Variants in SLC44A2 observed in about 807,000 individuals in gnomAD.
The protein encoded by SLC44A2 is choline transporter-like protein 2.
Under a neutral mutation model 90.8 loss-of-function variants are expected in SLC44A2, and 57 were observed. The ratio of observed to expected loss-of-function variants is 0.63; its 90% CI spans 0.51 to 0.78. The LOEUF is 0.78. Ranked by LOEUF, SLC44A2 falls within the 30% of genes least tolerant of loss-of-function variation. The pLI is 0.00. For missense variants in SLC44A2, 794 were observed against 919.7 expected (o/e 0.86, Z 1.77); for synonymous variants, 355 against 360.7 (o/e 0.98, Z 0.18).
At chr19:10,630,717 T>C (rs921830331) in intron 4 of SLC44A2, among the ~76,000 whole-genome samples, 1 of 149,734 alleles carries the variant, frequency 6.7e-6, no homozygotes, top group African/African-American at 2.5e-5. Context: ...TAAGAAGTCT[T>C]AACAGGTCGG....
At chr19:10,631,803 A>G in intron 8 of SLC44A2, 54 bp downstream of exon 8, 1 of 1,614,056 alleles carries the variant, frequency 6.2e-7, no homozygotes, top group Non-Finnish European at 8.5e-7. Context: ...TGGGACAGGC[A>G]ATCCCCTGTG....
intron 1 of SLC44A2, among the ~76,000 whole-genome samples, chr19:10,613,151 G>A (rs1314356604): frequency 3.3e-5 from 5 of 151,986 alleles, no homozygotes; most frequent in African/African-American, 1.2e-4. Context: ...TCTGCCTCCC[G>A]GGCTCAAGCG....
intron 4 of SLC44A2, among the ~76,000 whole-genome samples, chr19:10,628,840 T>C (rs924330172): frequency 1.3e-5 from 2 of 152,096 alleles, no homozygotes; most frequent in Non-Finnish European, 2.9e-5. Flanking sequence ...TTTCCTCATC[T>C]CTAAAATGAG....
At chr19:10,622,906 A>C (rs758364672), upstream of SLC44A2, among the ~76,000 whole-genome samples, 7 of 152,182 alleles carry the variant, frequency 4.6e-5, no homozygotes, top group Non-Finnish European at 1.0e-4. Flanking sequence ...TGTCTCAAAA[A>C]CAAAAAAGCT....
Position 10,634,855 on chromosome 19 carries a change from A to G in SLC44A2, c.923A>G (p.Tyr308Cys), listed in dbSNP as rs1300606308. The change falls in exon 11 of 22, where the codon TAC becomes TGC. Residue 308 changes from tyrosine to cysteine, a missense_variant. By Grantham distance (194) the Tyr-to-Cys change is radical (BLOSUM62 -2). This residue lies in a region of SLC44A2 where 738 missense variants were observed against 841.1 expected (regional missense o/e 0.88). Coordinates refer to ENST00000335757, the MANE Select transcript of SLC44A2 (RefSeq NM_020428.4). The part of the protein sequence containing the change: ...DLGFQTDFRV[Y>C]LHLRQTWLAF... Reference sequence around the variant, plus strand: ...GGCTTTCAGACGGATTTCCGGGTGTACCTGCACTTACGGCAGACCTGGTTG... The same window carrying G: ...GGCTTTCAGACGGATTTCCGGGTGTGCCTGCACTTACGGCAGACCTGGTTG... 6.2e-6 allele frequency: 10 copies of G among 1,614,082 alleles called. No homozygotes were observed. Among genetic ancestry groups the G allele is most frequent in the Admixed American group, 3.3e-5 (2 of 60,002 alleles).
chr19:10,636,618 G>A, intron 15 of SLC44A2, 33 bp downstream of exon 15: 1 of 1,606,646 alleles, frequency 6.2e-7, no homozygotes, highest in Non-Finnish European at 8.5e-7. Context: ...ATGGGGTGGA[G>A]GACGAGGCCT....
intron 20 of SLC44A2, among the ~76,000 whole-genome samples, 178 bp downstream of exon 20, chr19:10,638,493 G>T (rs911749910): frequency 6.6e-6 from 1 of 152,104 alleles, no homozygotes; most frequent in African/African-American, 2.4e-5. Flanking sequence ...GCCCTGACTG[G>T]AGTGCAGTGG....
upstream of SLC44A2, among the ~76,000 whole-genome samples, chr19:10,622,574 C>T (rs951553993): frequency 6.6e-5 from 10 of 151,758 alleles, no homozygotes; most frequent in African/African-American, 2.2e-4. Flanking sequence ...GGCCAGAGCA[C>T]GTGGGAGGAT....
chr19:10,618,691 G>T (rs561020008), intron 1 of SLC44A2, among the ~76,000 whole-genome samples: 2 of 152,070 alleles, frequency 1.3e-5, no homozygotes, highest in South Asian at 4.1e-4. Context: ...GTGTTAGCCA[G>T]AATGGTCTCG....
Position 10,634,769 on chromosome 19 carries a change from C to T in SLC44A2, c.837C>T (p.Cys279=). ...TCCCCCATGCAGGAATATTTCACTG[C>T]TACATGGAGTACTCCCGACTGCGTG... ...ILVLGYGIFH[C]YMEYSRLRGE... is the part of the protein sequence containing the mutation. Residue 279 remains cysteine, a synonymous_variant, in exon 11 of 22, where the codon TGC becomes TGT. Coordinates refer to ENST00000335757, the MANE Select transcript of SLC44A2 (RefSeq NM_020428.4). The T allele has an allele frequency of 6.2e-7, 1 of 1,614,154 alleles. No homozygotes were observed. Among genetic ancestry groups the T allele is most frequent in the Non-Finnish European group, 8.5e-7 (1 of 1,180,042 alleles).
At chr19:10,625,470 C>G, upstream of SLC44A2, 1 of 1,217,664 alleles carries the variant, frequency 8.2e-7, no homozygotes, top group Non-Finnish European at 1.0e-6. Flanking sequence ...GTCTGGGCAG[C>G]TGCCCAGCTC....
chr19:10,641,543 GC>G (rs1196483311), intron 20 of SLC44A2: 1 of 367,358 alleles, frequency 2.7e-6, no homozygotes, highest in African/African-American at 2.2e-5. Flanking sequence ...ACATGCAGAG[GC>G]CCAGGGGTTA....
chr19:10,635,132 C>T (rs567057543), intron 12 of SLC44A2, 31 bp from the exon 13 acceptor site: 1 of 1,613,552 alleles, frequency 6.2e-7, no homozygotes, highest in African/African-American at 1.3e-5. Flanking sequence ...GTGTCTTTTG[C>T]CCTGACGCCT....
intron 6 of SLC44A2, 37 bp from the exon 7 acceptor site, chr19:10,631,438 G>C (rs752370251): frequency 6.2e-7 from 1 of 1,614,110 alleles, no homozygotes; most frequent in South Asian, 1.1e-5. Flanking sequence ...CAGTGTACTA[G>C]ACTTGGGGAC....
In SLC44A2 at chr19:10,634,987, T is replaced by C. The variant is rs779862654; in HGVS notation, c.969T>C (p.Ser323=). The C allele has an allele frequency of 6.2e-7, 1 of 1,614,102 alleles. No homozygotes were observed. The highest frequency in any genetic ancestry group is 1.1e-5 in the South Asian group (1 of 91,082). Residue 323 remains serine, a synonymous_variant, in exon 12 of 22, where the codon AGT becomes AGC. Transcript: ENST00000335757. ...QTWLAFMIIL[S]ILEVIIILLL... is the part of the protein sequence containing the mutation. ...TGCCCTTTGCAGTGATCATTCTGAG[T>C]ATCCTTGAAGTCATTATCATCTTGC...
intron 20 of SLC44A2, among the ~76,000 whole-genome samples, chr19:10,640,375 G>C (rs117419803): frequency 0.029 from 4,480 of 152,248 alleles, 80 homozygotes; most frequent in South Asian, 0.092. Flanking sequence ...AAAGGCATGA[G>C]CCCCTGTGCC....
Position 10,643,721 on chromosome 19 carries a change from C to A in SLC44A2, c.*336C>A. On this transcript the variant is annotated 3_prime_UTR_variant, in exon 22 of 22. Transcript: ENST00000335757. ...CCGCTTACACGACAACGGGCCAGAC[C>A]ACAGGAAGGACGGTGTTTGTGTCTG... 4.1e-6 allele frequency: 1 copy of A among 244,240 alleles called. No individual in the cohort carries two copies. The highest frequency in any genetic ancestry group is 8.1e-6 in the Non-Finnish European group (1 of 123,418). The allele number at this position is 244,240 out of a possible 1,614,324, so 15.1% of individuals were successfully genotyped here.
intron 2 of SLC44A2, among the ~76,000 whole-genome samples, chr19:10,627,094 G>T (rs2066942023): frequency 6.6e-6 from 1 of 152,180 alleles, no homozygotes; most frequent in Admixed American, 6.6e-5. Flanking sequence ...GCCAAGGCAG[G>T]TGGATCACTT....
intron 2 of SLC44A2, 65 bp downstream of exon 2, chr19:10,626,366 C>A (rs923160745): frequency 1.2e-5 from 14 of 1,211,568 alleles, no homozygotes; most frequent in Admixed American, 1.7e-5. Context: ...TCTCTTCACA[C>A]CCCCTCCCAT....
Sources: allele counts gnomAD v4.1 joint callset (sites outside exome capture counted in the v4.1 genomes callset), GRCh38; gene constraint gnomAD v4.1.1; regional missense constraint gnomAD v4.1.1; transcripts MANE v1.5; gene names NCBI Gene and HGNC (gene_info 2026-07-23, HGNC 2026-07-21).